TSHZ2: variants seen among roughly 807,000 people sequenced by gnomAD.
TSHZ2 encodes the protein teashirt homolog 2.
A neutral mutation model predicts 74.4 loss-of-function variants in TSHZ2; 21 were observed. The observed-to-expected ratio is 0.28, with a 90% CI of 0.20 to 0.41. TSHZ2 has a LOEUF of 0.41. Ranked by LOEUF, TSHZ2 falls within the 10% of genes least tolerant of loss-of-function variation. TSHZ2 has a pLI of 1.00. For missense variants in TSHZ2, 1,244 were observed against 1,293.5 expected (o/e 0.96, Z 0.59); for synonymous variants, 540 against 515.3 (o/e 1.05, Z -0.65).
intron 1 of TSHZ2, among the ~76,000 whole-genome samples, chr20:53,146,822 G>A (rs910739321): frequency 6.6e-6 from 1 of 152,150 alleles, no homozygotes; most frequent in African/African-American, 2.4e-5. Flanking sequence ...TGATTTGCAG[G>A]GAGGTAGAGG....
chr20:53,202,754 A>G (rs776568910), intron 1 of TSHZ2, among the ~76,000 whole-genome samples: 4 of 152,154 alleles, frequency 2.6e-5, no homozygotes, highest in Non-Finnish European at 4.4e-5. Context: ...GATCCAACGA[A>G]GGGAAGTCAG....
intron 1 of TSHZ2, among the ~76,000 whole-genome samples, chr20:53,054,158 C>G (rs970391993): frequency 6.6e-6 from 1 of 152,204 alleles, no homozygotes; most frequent in Non-Finnish European, 1.5e-5. Flanking sequence ...ATGATTTGAG[C>G]AGCCTGACAA....
intron 1 of TSHZ2, among the ~76,000 whole-genome samples, chr20:53,194,624 G>GTAA (rs1988816561): frequency 6.6e-6 from 1 of 152,186 alleles, no homozygotes. Context: ...AGGAAACTTT[G>GTAA]TAAGATGGCA....
chr20:53,173,865 C>CTTGT (rs961383006), intron 1 of TSHZ2, among the ~76,000 whole-genome samples: 8 of 152,046 alleles, frequency 5.3e-5, no homozygotes, highest in African/African-American at 1.9e-4. Context: ...CACCCAGGAT[C>CTTGT]TTGTTTTGTT....
At chr20:53,326,429 A>G (rs1979495072) in intron 2 of TSHZ2, among the ~76,000 whole-genome samples, 1 of 152,226 alleles carries the variant, frequency 6.6e-6, no homozygotes, top group Non-Finnish European at 1.5e-5. Context: ...TTACAAACTT[A>G]TCACTTGTAA....
intron 1 of TSHZ2, among the ~76,000 whole-genome samples, chr20:53,034,208 AG>A: frequency 6.6e-6 from 1 of 152,342 alleles, no homozygotes; most frequent in Non-Finnish European, 1.5e-5. Flanking sequence ...GGTACAAATC[AG>A]GCTTGGAAAC....
At position 53,469,919 on chromosome 20, in the gene TSHZ2, A is replaced by AAGGAAGGC. The variant is rs1204049846; in HGVS notation, c.*9-17222_*9-17221insAAGGCAGG. Among the ~76,000 whole-genome samples the AAGGAAGGC allele has an allele frequency of 7.3e-4, 74 of 101,324 alleles. 3 individuals are homozygous for AAGGAAGGC. The highest frequency in any genetic ancestry group is 2.5e-3 in the African/African-American group (69 of 28,066). 66.5% of individuals were successfully genotyped at this position (101,324 alleles called of 152,430 possible). ...GAAAGGAGGAAGGAAGGAAGGAAGG[A>AAGGAAGGC]AGGCAGGCAGGCAGGCAGGCAGGCA... On this transcript the variant is annotated intron_variant, in intron 2 of 2. Transcript: ENST00000371497.
intron 1 of TSHZ2, among the ~76,000 whole-genome samples, chr20:53,169,858 G>T (rs1029043819): frequency 4.6e-5 from 7 of 152,026 alleles, no homozygotes; most frequent in African/African-American, 7.2e-5. Context: ...CTTATGTAAA[G>T]GTATTTATAC....
At chr20:53,362,948 G>A (rs1261914884) in intron 2 of TSHZ2, among the ~76,000 whole-genome samples, 15 of 152,194 alleles carry the variant, frequency 9.9e-5, no homozygotes, top group African/African-American at 3.4e-4. Flanking sequence ...ACCCTCAGGT[G>A]CTGCTATTCT....
At chr20:53,426,902 A>G (rs958739847) in intron 2 of TSHZ2, among the ~76,000 whole-genome samples, 1 of 152,192 alleles carries the variant, frequency 6.6e-6, no homozygotes, top group Non-Finnish European at 1.5e-5. Flanking sequence ...CTTCTCCTTG[A>G]TTAGCATTTA....
intron 2 of TSHZ2, among the ~76,000 whole-genome samples, chr20:53,310,549 G>A (rs923380445): frequency 6.6e-6 from 1 of 152,202 alleles, no homozygotes; most frequent in African/African-American, 2.4e-5. Context: ...TTTGGCCAGG[G>A]CTGCAGTCTC....
intron 2 of TSHZ2, among the ~76,000 whole-genome samples, chr20:53,316,014 G>T (rs1979001419): frequency 6.6e-6 from 1 of 152,172 alleles, no homozygotes; most frequent in Non-Finnish European, 1.5e-5. Flanking sequence ...CCTTGGAAGG[G>T]AATGGAAGCT....
intron 2 of TSHZ2, among the ~76,000 whole-genome samples, chr20:53,341,346 C>T (rs1216559073): frequency 6.6e-6 from 1 of 152,140 alleles, no homozygotes; most frequent in Non-Finnish European, 1.5e-5. Context: ...TTGGAGTGAC[C>T]AATAATCCCA....
At chr20:53,383,147 C>T (rs1981918998) in intron 2 of TSHZ2, among the ~76,000 whole-genome samples, 1 of 151,824 alleles carries the variant, frequency 6.6e-6, no homozygotes, top group Admixed American at 6.6e-5. Flanking sequence ...CCTGTAGTCC[C>T]AGCTACTCGG....
At chr20:53,076,544 C>T (rs1206499184) in intron 1 of TSHZ2, among the ~76,000 whole-genome samples, 3 of 152,166 alleles carry the variant, frequency 2.0e-5, no homozygotes, top group Middle Eastern at 3.2e-3. Context: ...AGATTCCATA[C>T]AAGCGATGCG....
chr20:53,144,733 C>CTA (rs1229662772), intron 1 of TSHZ2, among the ~76,000 whole-genome samples: 2 of 152,200 alleles, frequency 1.3e-5, no homozygotes, highest in East Asian at 3.9e-4. Context: ...GCTCCAAATA[C>CTA]TATATATACT....
At chr20:53,478,485 G>A (rs1437680656) in intron 2 of TSHZ2, among the ~76,000 whole-genome samples, 3 of 137,610 alleles carry the variant, frequency 2.2e-5, no homozygotes, top group African/African-American at 8.1e-5. Context: ...ACACAGGAAG[G>A]GGAATATCAC....
At chr20:53,154,065 C>T (rs1158564664) in intron 1 of TSHZ2, among the ~76,000 whole-genome samples, 1 of 152,168 alleles carries the variant, frequency 6.6e-6, no homozygotes, top group East Asian at 1.9e-4. Flanking sequence ...CCAACTTAAG[C>T]AATGGAAAAA....
intron 2 of TSHZ2, among the ~76,000 whole-genome samples, chr20:53,407,929 A>G (rs959065013): frequency 2.6e-5 from 4 of 152,336 alleles, no homozygotes; most frequent in African/African-American, 9.6e-5. Flanking sequence ...AATTTTTTCC[A>G]ACCATTTAAA....
Sources: gnomAD v4.1 joint callset for allele counts (sites outside exome capture counted in the v4.1 genomes callset) on GRCh38, gnomAD v4.1.1 for gene constraint, MANE v1.5 for transcripts, NCBI Gene and HGNC (gene_info 2026-07-23, HGNC 2026-07-21) for gene names.